The following TBC1D15 variants were observed in gnomAD, a reference collection of about 807,000 sequenced individuals.
The protein encoded by TBC1D15 is GAP for RAB7.
In TBC1D15, 39 loss-of-function variants were observed where a neutral mutation model predicts 95.4. The ratio of observed to expected loss-of-function variants is 0.41; its 90% CI spans 0.32 to 0.53. The LOEUF is 0.53. Ranked by LOEUF, TBC1D15 falls within the 20% of genes least tolerant of loss-of-function variation. The probability of loss-of-function intolerance (pLI) is 0.29; values close to 1 mark genes in which losing one functional copy is unlikely to be tolerated. For synonymous variants in TBC1D15, 258 were observed against 261.3 expected (o/e 0.99, Z 0.12); for missense variants, 733 against 794.3 (o/e 0.92, Z 0.93).
At chr12:71,916,695 A>T (rs1903788775) in intron 12 of TBC1D15, among the ~76,000 whole-genome samples, 1 of 152,176 alleles carries the variant, frequency 6.6e-6, no homozygotes, top group African/African-American at 2.4e-5. Flanking sequence ...ATCGGGACAT[A>T]TGAGTTAAAG....
intron 10 of TBC1D15, among the ~76,000 whole-genome samples, chr12:71,906,124 C>G (rs1592806672): frequency 6.6e-6 from 1 of 151,838 alleles, no homozygotes; most frequent in Non-Finnish European, 1.5e-5. Flanking sequence ...CCACCTGTCT[C>G]GGCATCCCAA....
At chr12:71,853,713 A>G (rs1347676750) in intron 1 of TBC1D15, among the ~76,000 whole-genome samples, 2 of 152,278 alleles carry the variant, frequency 1.3e-5, no homozygotes, top group East Asian at 3.9e-4. Flanking sequence ...GTTAGAAGGC[A>G]CTTAAGTTGC....
chr12:71,858,564 T>C (rs1244726698), intron 1 of TBC1D15, among the ~76,000 whole-genome samples: 3 of 150,160 alleles, frequency 2.0e-5, no homozygotes, highest in Non-Finnish European at 4.4e-5. Flanking sequence ...TTTCTTTTTT[T>C]TTTTTTTTTG....
At chr12:71,905,249 G>A (rs1274898818) in intron 10 of TBC1D15, among the ~76,000 whole-genome samples, 1 of 152,094 alleles carries the variant, frequency 6.6e-6, no homozygotes, top group African/African-American at 2.4e-5. Flanking sequence ...TTGGCATTAT[G>A]GTAATATAAA....
rs141123358 is a variant in TBC1D15, at chr12:71,895,973, T to C, written c.882T>C (p.Val294=). 135 of 1,612,594 alleles carry C rather than the reference T, an allele frequency of 8.4e-5. No individual in the cohort carries two copies. The African/African-American group carries it at 1.6e-3, about 19-fold the overall frequency. Residue 294 remains valine (V), a synonymous_variant, in exon 8 of 17, where the codon GTT becomes GTC. Coordinates refer to ENST00000485960, the MANE Select transcript of TBC1D15 (RefSeq NM_001146213.3). ...TRIDLGERPV[V]QRREPVSLEE... ...TTGATTTGGGGGAACGCCCTGTTGT[T>C]CAAAGGAGAGAACCGGTATCACTGG... is the stretch of plus-strand genomic sequence containing the variant.
intron 1 of TBC1D15, among the ~76,000 whole-genome samples, chr12:71,853,084 A>G (rs328779): frequency 6.6e-6 from 1 of 152,188 alleles, no homozygotes; most frequent in Admixed American, 6.5e-5. Context: ...ATTGGCTCAC[A>G]GTTCTTCAAG....
At chr12:71,870,229 C>G (rs1049211697) in intron 1 of TBC1D15, among the ~76,000 whole-genome samples, 3 of 151,806 alleles carry the variant, frequency 2.0e-5, no homozygotes, top group African/African-American at 7.3e-5. Flanking sequence ...TAGATGCATA[C>G]CCTCCCTTTC....
chr12:71,840,970 A>C (rs1183782199), intron 1 of TBC1D15: 2 of 152,020 alleles, frequency 1.3e-5, no homozygotes, highest in Non-Finnish European at 2.9e-5. Context: ...GGGTTATATA[A>C]ATTTTTTTTT....
intron 1 of TBC1D15, among the ~76,000 whole-genome samples, chr12:71,865,963 T>C (rs1037991471): frequency 3.9e-5 from 6 of 151,990 alleles, no homozygotes; most frequent in African/African-American, 1.4e-4. Context: ...CAAGGCACTG[T>C]TTCAACTTGG....
At chr12:71,906,624 G>A (rs1052809376) in intron 10 of TBC1D15, among the ~76,000 whole-genome samples, 12 of 144,840 alleles carry the variant, frequency 8.3e-5, no homozygotes, top group Non-Finnish European at 1.6e-4. Context: ...GCTTGATTAG[G>A]TGGTAGCTTT....
intron 1 of TBC1D15, among the ~76,000 whole-genome samples, chr12:71,864,356 C>T (rs546153007): frequency 6.6e-6 from 1 of 152,264 alleles, no homozygotes; most frequent in East Asian, 1.9e-4. Context: ...GTGTGAGCTA[C>T]TGCACCCGGC....
At chr12:71,902,052 C>T (rs1366663934) in intron 10 of TBC1D15, among the ~76,000 whole-genome samples, 1 of 152,082 alleles carries the variant, frequency 6.6e-6, no homozygotes, top group East Asian at 1.9e-4. Flanking sequence ...AAGAACTCTG[C>T]AATGAGAATT....
intron 1 of TBC1D15, among the ~76,000 whole-genome samples, chr12:71,845,819 C>T (rs1258518940): frequency 3.3e-5 from 5 of 152,074 alleles, no homozygotes; most frequent in Non-Finnish European, 7.4e-5. Flanking sequence ...AATAATTTTA[C>T]CCTGAACTTA....
At chr12:71,889,125 G>T (rs1896784561) in intron 5 of TBC1D15, among the ~76,000 whole-genome samples, 1 of 152,320 alleles carries the variant, frequency 6.6e-6, no homozygotes, top group Non-Finnish European at 1.5e-5. Context: ...GTGAGCCTAA[G>T]TGATTAATTG....
At chr12:71,840,790 G>A (rs1261635752) in intron 1 of TBC1D15, among the ~76,000 whole-genome samples, 2 of 152,254 alleles carry the variant, frequency 1.3e-5, no homozygotes, top group East Asian at 3.9e-4. Context: ...TTGTGGTTTG[G>A]TGTTTGGAGT....
chr12:71,854,642 C>A (rs1888609633), intron 1 of TBC1D15: 1 of 456,612 alleles, frequency 2.2e-6, no homozygotes, highest in Non-Finnish European at 4.4e-6. Flanking sequence ...GTTTGGATAG[C>A]TGAAGGTCAT....
chr12:71,903,792 G>C (rs1365303378), intron 10 of TBC1D15, among the ~76,000 whole-genome samples: 1 of 152,164 alleles, frequency 6.6e-6, no homozygotes, highest in Admixed American at 6.5e-5. Context: ...CTACAAGTAG[G>C]AGATAAACAT....
intron 4 of TBC1D15, among the ~76,000 whole-genome samples, chr12:71,883,013 AGTATT>A (rs1895516173): frequency 6.6e-6 from 1 of 152,164 alleles, no homozygotes; most frequent in Non-Finnish European, 1.5e-5. Flanking sequence ...GCATACATAT[AGTATT>A]TAATATACTT....
chr12:71,894,205 A>C, intron 6 of TBC1D15: 1 of 788,340 alleles, frequency 1.3e-6, no homozygotes, highest in South Asian at 1.8e-5. Flanking sequence ...TACTATTCAT[A>C]TAATTAGATT....
Sources: allele counts gnomAD v4.1 joint callset (sites outside exome capture counted in the v4.1 genomes callset), GRCh38; gene constraint gnomAD v4.1.1; transcripts MANE v1.5; gene names NCBI Gene and HGNC (gene_info 2026-07-23, HGNC 2026-07-21).